LRRFIP1: variants seen among roughly 807,000 people sequenced by gnomAD.
The protein encoded by LRRFIP1 is leucine-rich repeat flightless-interacting protein 1.
In LRRFIP1, 62 loss-of-function variants were observed where a neutral mutation model predicts 104.4. The observed-to-expected ratio is 0.59, with a 90% confidence interval of 0.48 to 0.73. The LOEUF (loss-of-function observed/expected upper bound fraction) is 0.73, where lower values mean the gene tolerates loss of function less well. LRRFIP1 is among the 30% of genes least tolerant of loss of function. The pLI is 0.00. For missense variants in LRRFIP1, 796 were observed against 824.5 expected, an observed-to-expected ratio of 0.97 and a Z score of 0.42; for synonymous variants, 300 against 299.0, an observed-to-expected ratio of 1.00 and a Z score of -0.03.
At chr2:237,651,387 T>C (rs776360391) in intron 1 of LRRFIP1, among the ~76,000 whole-genome samples, 2 of 152,250 alleles carry the variant, frequency 1.3e-5, no homozygotes, top group Non-Finnish European at 2.9e-5. Context: ...TCATCTAATA[T>C]CTAAAACATA....
chr2:237,641,211 ATT>A (rs1383089378), intron 1 of LRRFIP1, among the ~76,000 whole-genome samples: 1 of 149,142 alleles, frequency 6.7e-6, no homozygotes, highest in African/African-American at 2.5e-5. Flanking sequence ...ACCCATCTCT[ATT>A]AAAAAAAAAA....
chr2:237,702,757 C>A (rs2093607859), intron 1 of LRRFIP1, among the ~76,000 whole-genome samples: 1 of 152,146 alleles, frequency 6.6e-6, no homozygotes, highest in African/African-American at 2.4e-5. Flanking sequence ...TCTTGAACGA[C>A]TCCACATACT....
At chr2:237,777,660 A>C (rs2061201702) in intron 23 of LRRFIP1, among the ~76,000 whole-genome samples, 1 of 151,846 alleles carries the variant, frequency 6.6e-6, no homozygotes, top group Non-Finnish European at 1.5e-5. Context: ...TTTTACTGTT[A>C]GATGTAGTTT....
At chr2:237,713,729 T>C (rs991104968) in intron 2 of LRRFIP1, among the ~76,000 whole-genome samples, 1 of 152,250 alleles carries the variant, frequency 6.6e-6, no homozygotes, top group African/African-American at 2.4e-5. Flanking sequence ...AATATGTCAA[T>C]GTATGATAAT....
At chr2:237,773,431 A>G (rs1420846696) in intron 22 of LRRFIP1, among the ~76,000 whole-genome samples, 1 of 152,098 alleles carries the variant, frequency 6.6e-6, no homozygotes, top group African/African-American at 2.4e-5. Flanking sequence ...TCAGCTACTC[A>G]GGAGGCTGAA....
intron 1 of LRRFIP1, among the ~76,000 whole-genome samples, chr2:237,669,675 G>A (rs2090030580): frequency 1.3e-5 from 2 of 152,178 alleles, no homozygotes; most frequent in South Asian, 4.1e-4. Flanking sequence ...GGTTTGTTGA[G>A]CAGAGGAGTG....
chr2:237,748,555 A>G (rs1222371092), intron 12 of LRRFIP1, among the ~76,000 whole-genome samples, 156 bp downstream of exon 12: 10 of 152,126 alleles, frequency 6.6e-5, no homozygotes, highest in African/African-American at 2.2e-4. Context: ...TCCCGGAGGT[A>G]GGCCACCGGG....
chr2:237,739,490 C>T (rs925321113), intron 11 of LRRFIP1, among the ~76,000 whole-genome samples, 181 bp downstream of exon 11: 1 of 152,206 alleles, frequency 6.6e-6, no homozygotes, highest in Non-Finnish European at 1.5e-5. Flanking sequence ...AGATGGGGAT[C>T]TTAGAGGAGG....
At chr2:237,747,775 G>C (rs757601205) in intron 11 of LRRFIP1, among the ~76,000 whole-genome samples, 5 of 152,134 alleles carry the variant, frequency 3.3e-5, no homozygotes, top group Non-Finnish European at 7.3e-5. Flanking sequence ...TTTTCCCAGA[G>C]AGTTTTTAGA....
At chr2:237,700,271 C>T (rs1342324409) in intron 1 of LRRFIP1, among the ~76,000 whole-genome samples, 2 of 152,122 alleles carry the variant, frequency 1.3e-5, no homozygotes, top group Non-Finnish European at 2.9e-5. Flanking sequence ...CACCACGGCC[C>T]CTCCAGGAGC....
At chr2:237,712,370 G>T (rs374631914) in intron 2 of LRRFIP1, among the ~76,000 whole-genome samples, 1 of 152,158 alleles carries the variant, frequency 6.6e-6, no homozygotes, top group Non-Finnish European at 1.5e-5. Flanking sequence ...CATTGAGGAC[G>T]CTGGCACGCA....
intron 19 of LRRFIP1, among the ~76,000 whole-genome samples, chr2:237,762,330 A>T (rs142780719): frequency 4.6e-5 from 7 of 152,264 alleles, no homozygotes; most frequent in Admixed American, 1.3e-4. Context: ...TTGAAACTTA[A>T]CGTCACCTTT....
chr2:237,657,538 A>G (rs2087036102), intron 1 of LRRFIP1, among the ~76,000 whole-genome samples: 1 of 152,198 alleles, frequency 6.6e-6, no homozygotes, highest in Admixed American at 6.5e-5. Flanking sequence ...AAAATATCCA[A>G]CCTGGCCTCA....
At chr2:237,719,976 C>T (rs1360192717) in intron 5 of LRRFIP1, among the ~76,000 whole-genome samples, 5 of 118,022 alleles carry the variant, frequency 4.2e-5, no homozygotes, top group African/African-American at 1.3e-4. Context: ...GAGACAGAGT[C>T]TCGCTTTGTC....
In LRRFIP1 at chr2:237,701,513, C is replaced by T. The variant is rs1485570967; in HGVS notation, c.97-7031C>T. On this transcript the variant is annotated intron_variant, in intron 1 of 23. Transcript: ENST00000308482. The stretch of plus-strand genomic sequence containing the variant: ...CTTGTGTCCTGGTCAATAACTTCTT[C>T]TCTCTCTGGTTCTCCTTGGCCTGAG... 2.0e-5 allele frequency among the ~76,000 whole-genome samples: 3 copies of T among 152,384 alleles called. No homozygotes were observed. The East Asian group carries it at 5.8e-4, about 29-fold the overall frequency.
chr2:237,685,840 G>A (rs557426078), intron 1 of LRRFIP1, among the ~76,000 whole-genome samples: 16 of 152,092 alleles, frequency 1.1e-4, no homozygotes, highest in South Asian at 2.1e-4. Context: ...CCTTGGTCCC[G>A]CCTTCCTTCA....
chr2:237,751,342 A>G, intron 14 of LRRFIP1, 71 bp downstream of exon 14: 1 of 1,247,040 alleles, frequency 8.0e-7, no homozygotes, highest in Non-Finnish European at 1.1e-6. Flanking sequence ...CAACATCCTA[A>G]AGAAGAAATT....
chr2:237,702,538 G>A (rs7571346), intron 1 of LRRFIP1, among the ~76,000 whole-genome samples: 5,905 of 152,236 alleles, frequency 0.039, 342 homozygotes, highest in African/African-American at 0.13. Context: ...AACCCCGCGG[G>A]CAGCAGCAGG....
chr2:237,656,718 T>C (rs75528473), intron 1 of LRRFIP1, among the ~76,000 whole-genome samples: 3,384 of 152,226 alleles, frequency 0.022, 118 homozygotes, highest in African/African-American at 0.076. Flanking sequence ...CAAAAGTAAA[T>C]TTAAAGAGGC....
Sources: allele counts gnomAD v4.1 joint callset (sites outside exome capture counted in the v4.1 genomes callset), GRCh38; gene constraint gnomAD v4.1.1; transcripts MANE v1.5; gene names NCBI Gene and HGNC (gene_info 2026-07-23, HGNC 2026-07-21).